The following OTOGL variants were observed in gnomAD, a reference collection of about 807,000 sequenced individuals.
OTOGL encodes otogelin like, also known as otogelin-like protein.
OTOGL carries 285 observed loss-of-function variants against 318.5 expected under a neutral mutation model. The observed-to-expected ratio is 0.89, with a 90% CI of 0.81 to 0.99. OTOGL has a LOEUF of 0.99. OTOGL is among the 50% of genes least tolerant of loss of function. The pLI is 0.00. For missense variants in OTOGL, 2,899 were observed against 2,845.6 expected (o/e 1.02, Z -0.43); for synonymous variants, 987 against 936.5 (o/e 1.05, Z -0.99).
chr12:80,264,265 G>T (rs1406343310), intron 19 of OTOGL, among the ~76,000 whole-genome samples: 2 of 152,070 alleles, frequency 1.3e-5, no homozygotes, highest in African/African-American at 4.8e-5. Context: ...CTTCTATAAA[G>T]AATTATATCT....
At chr12:80,160,816 G>A (rs919629301) in intron 1 of OTOGL, among the ~76,000 whole-genome samples, 1 of 151,732 alleles carries the variant, frequency 6.6e-6, no homozygotes, top group Admixed American at 6.6e-5. Flanking sequence ...CACAATTGCA[G>A]AAGTATGGAA....
intron 57 of OTOGL, among the ~76,000 whole-genome samples, chr12:80,374,797 CAG>C (rs1315874661): frequency 2.0e-5 from 3 of 151,988 alleles, no homozygotes; most frequent in African/African-American, 7.3e-5. Flanking sequence ...TCAGGGCAGA[CAG>C]GGGAATATCT....
intron 49 of OTOGL, among the ~76,000 whole-genome samples, chr12:80,357,558 T>C (rs572961642): frequency 6.6e-6 from 1 of 152,280 alleles, no homozygotes; most frequent in African/African-American, 2.4e-5. Flanking sequence ...TAGCACAACC[T>C]GTTATTGGAA....
At chr12:80,100,504 T>G (rs1338065402) in intron 1 of OTOGL, among the ~76,000 whole-genome samples, 2 of 152,164 alleles carry the variant, frequency 1.3e-5, no homozygotes, top group Non-Finnish European at 2.9e-5. Context: ...AAAATGTAGT[T>G]TATACAAAGC....
chr12:80,264,929 C>T (rs1375471839), intron 19 of OTOGL, 72 bp from the exon 20 acceptor site: 25 of 1,441,572 alleles, frequency 1.7e-5, no homozygotes, highest in Middle Eastern at 1.7e-4. Flanking sequence ...TTTCTAAGAA[C>T]GTGAAATGCT....
intron 1 of OTOGL, among the ~76,000 whole-genome samples, chr12:80,100,739 T>A (rs375427234): frequency 1.3e-5 from 2 of 152,152 alleles, no homozygotes; most frequent in East Asian, 3.9e-4. Flanking sequence ...AACTCCAGAA[T>A]GTTTATGCAA....
At chr12:80,356,378 G>C in intron 47 of OTOGL, 38 bp from the exon 48 acceptor site, 1 of 1,506,212 alleles carries the variant, frequency 6.6e-7, no homozygotes, top group South Asian at 1.2e-5. Context: ...GATTTTAGTT[G>C]TGTTCACTAA....
Position 80,318,577 on chromosome 12 carries a change from C to T in OTOGL, c.3666C>T (p.Ser1222=). ...GAGAAGGACCATATATGCTGGCAAG[C>T]TATGGGCAGAGTGGCCTTGTTCTGG... ...GLGEGPYMLA[S]YGQSGLVLGA... Residue 1222 remains serine, a synonymous_variant, in exon 33 of 59, where the codon AGC becomes AGT. Coordinates refer to ENST00000547103, the MANE Select transcript of OTOGL (RefSeq NM_001378609.3). 1.4e-6 allele frequency: 2 copies of T among 1,410,200 alleles called. No homozygotes were observed. The highest frequency in any genetic ancestry group is 9.2e-7 in the Non-Finnish European group (1 of 1,082,256). 87.4% of individuals were successfully genotyped at this position (1,410,200 alleles called of 1,614,324 possible). A position where few individuals can be genotyped will look rare whatever the true frequency, so the allele number is the denominator to read the frequency against.
intron 24 of OTOGL, among the ~76,000 whole-genome samples, chr12:80,274,421 A>G (rs1419065353): frequency 6.6e-6 from 1 of 152,042 alleles, no homozygotes; most frequent in East Asian, 1.9e-4. Flanking sequence ...AACTCTTTTC[A>G]ATTCTATAAT....
At chr12:80,357,408 A>AT (rs58769066) in intron 49 of OTOGL, among the ~76,000 whole-genome samples, 22,831 of 151,124 alleles carry the variant, frequency 0.15, 2,214 homozygotes, top group African/African-American at 0.28. Context: ...GAATTCTCTA[A>AT]TTTTTTTTTT....
At chr12:80,281,109 G>A (rs1018920070) in intron 26 of OTOGL, among the ~76,000 whole-genome samples, 1 of 151,850 alleles carries the variant, frequency 6.6e-6, no homozygotes, top group Non-Finnish European at 1.5e-5. Flanking sequence ...GAGGCTATGA[G>A]GTTTTCCAGG....
At chr12:80,151,450 A>T (rs951788494) in intron 1 of OTOGL, among the ~76,000 whole-genome samples, 1 of 152,182 alleles carries the variant, frequency 6.6e-6, no homozygotes, top group Admixed American at 6.5e-5. Context: ...TTATTCACAT[A>T]CTTACAAGCT....
intron 18 of OTOGL, among the ~76,000 whole-genome samples, chr12:80,258,755 T>C (rs909518592): frequency 6.6e-6 from 1 of 151,978 alleles, no homozygotes; most frequent in African/African-American, 2.4e-5. Flanking sequence ...GAATCTAAAA[T>C]AGTTGAAATC....
intron 24 of OTOGL, among the ~76,000 whole-genome samples, chr12:80,275,876 A>G (rs1390710484): frequency 6.6e-6 from 1 of 151,722 alleles, no homozygotes; most frequent in Non-Finnish European, 1.5e-5. Context: ...AAATTAAGGT[A>G]TGTATATTTT....
chr12:80,318,659 A>G lies in OTOGL; in HGVS notation c.3748A>G (p.Ser1250Gly). The G allele has an allele frequency of 6.9e-7, 1 of 1,444,428 alleles. No homozygotes were observed. The highest frequency in any genetic ancestry group is 9.1e-7 in the Non-Finnish European group (1 of 1,095,146). The allele number at this position is 1,444,428 out of a possible 1,614,324, so 89.5% of individuals were successfully genotyped here. A position where few individuals can be genotyped will look rare whatever the true frequency, so the allele number is the denominator to read the frequency against. ...FCLPRSSVHT[S>G]LFFYFMITPG... ...TTTGCCGAGAAGCAGTGTTCATACC[A>G]GTTTATTTTTTTATTTTATGATCAC... The change falls in exon 33 of 59, where the codon AGT (serine) becomes GGT (glycine). Residue 1250 changes from serine (S) to glycine (G), a missense_variant. Physicochemically the swap from Ser to Gly is moderately conservative, Grantham distance 56. Coordinates refer to ENST00000547103, the MANE Select transcript of OTOGL (RefSeq NM_001378609.3).
At chr12:80,268,360 G>A (rs1051479172) in intron 22 of OTOGL, among the ~76,000 whole-genome samples, 1 of 152,088 alleles carries the variant, frequency 6.6e-6, no homozygotes, top group Non-Finnish European at 1.5e-5. Context: ...CTGATTTACA[G>A]GTGAGGAAAA....
chr12:80,325,769 G>A (rs1887640625), intron 35 of OTOGL, among the ~76,000 whole-genome samples: 1 of 152,172 alleles, frequency 6.6e-6, no homozygotes, highest in Admixed American at 6.5e-5. Flanking sequence ...CAATGCGAAG[G>A]GCATGTGGGG....
rs532224509 is a variant in OTOGL, at chr12:80,369,319, G to A, written c.6615+1010G>A. Among the ~76,000 whole-genome samples, 14 of 152,102 alleles carry A rather than the reference G, an allele frequency of 9.2e-5. No homozygotes were observed. The South Asian group carries it at 1.7e-3, about 18-fold the overall frequency. ...AAAGTGCCTTCTCCTTTCCCAAACT[G>A]TCTTCATTACTGCTGAAAATCCTTT... On this transcript the variant is annotated intron_variant, in intron 55 of 58. Coordinates refer to ENST00000547103, the MANE Select transcript of OTOGL (RefSeq NM_001378609.3).
intron 43 of OTOGL, among the ~76,000 whole-genome samples, chr12:80,340,716 G>A (rs1038961542): frequency 2.0e-4 from 30 of 152,240 alleles, no homozygotes; most frequent in African/African-American, 7.0e-4. Context: ...CACTAGACTA[G>A]GTGCTGGCTG....
Sources: gnomAD v4.1 joint callset for allele counts (sites outside exome capture counted in the v4.1 genomes callset) on GRCh38, gnomAD v4.1.1 for gene constraint, MANE v1.5 for transcripts, NCBI Gene and HGNC (gene_info 2026-07-23, HGNC 2026-07-21) for gene names.